CYTH3: variants seen among roughly 807,000 people sequenced by gnomAD.
The protein encoded by CYTH3 is cytohesin-3.
In CYTH3, 23 loss-of-function variants were observed where a neutral mutation model predicts 55.1. That is an observed-to-expected ratio of 0.42 (90% CI 0.30 to 0.59). CYTH3 has a LOEUF of 0.59. Ranked by LOEUF, CYTH3 falls within the 20% of genes least tolerant of loss-of-function variation. The probability of loss-of-function intolerance (pLI) is 0.20; values close to 1 mark genes in which losing one functional copy is unlikely to be tolerated. For synonymous variants in CYTH3, 249 were observed against 194.9 expected (o/e 1.28, Z -2.31); for missense variants, 413 against 524.8 (o/e 0.79, Z 2.08).
rs752330445 is a variant in CYTH3, at chr7:6,170,484, C to T, written c.823+51G>A. 4 of 1,543,638 alleles carry T rather than the reference C, an allele frequency of 2.6e-6. No homozygotes were observed. The highest frequency in any genetic ancestry group is 1.2e-5 in the South Asian group (1 of 86,682). ...AGCCTGGGAGGAACCCGAGGGGCTG[C>T]TGCCATGGGCAGAGGGGTCACGCCC... On this transcript the variant is annotated intron_variant, in intron 9 of 12. Coordinates refer to ENST00000350796, the MANE Select transcript of CYTH3 (RefSeq NM_004227.4). This position sits in a 1 kb window ranked among gnomAD's most constrained non-coding sequence, Gnocchi z 7.8.
intron 1 of CYTH3, among the ~76,000 whole-genome samples, chr7:6,226,434 G>A (rs1779252384): frequency 6.6e-6 from 1 of 152,178 alleles, no homozygotes; most frequent in Non-Finnish European, 1.5e-5. Context: ...TTAGATGAGG[G>A]TGGGGAGGTG....
chr7:6,201,422 T>C (rs894851497), intron 1 of CYTH3, among the ~76,000 whole-genome samples: 14 of 152,228 alleles, frequency 9.2e-5, no homozygotes, highest in Non-Finnish European at 1.5e-5. Context: ...TGTGGTGATC[T>C]TCACTGTTCC....
At chr7:6,252,204 G>T (rs1779988898) in intron 1 of CYTH3, among the ~76,000 whole-genome samples, 1 of 151,592 alleles carries the variant, frequency 6.6e-6, no homozygotes, top group Non-Finnish European at 1.5e-5. Flanking sequence ...AAATTTAAGA[G>T]AAACTGGCTT....
At chr7:6,251,894 A>G (rs1464959359) in intron 1 of CYTH3, among the ~76,000 whole-genome samples, 1 of 152,210 alleles carries the variant, frequency 6.6e-6, no homozygotes, top group African/African-American at 2.4e-5. Context: ...TACAAGAAAT[A>G]TGAGAAATCT....
intron 5 of CYTH3, among the ~76,000 whole-genome samples, chr7:6,176,669 T>A (rs1440064784): frequency 6.6e-6 from 1 of 152,238 alleles, no homozygotes; most frequent in Non-Finnish European, 1.5e-5. Flanking sequence ...TTGCATCATC[T>A]GCAAATAGAA....
chr7:6,208,153 A>T (rs1201937678), intron 1 of CYTH3, among the ~76,000 whole-genome samples: 1 of 152,202 alleles, frequency 6.6e-6, no homozygotes, highest in African/African-American at 2.4e-5. Context: ...GGTAGGTAAG[A>T]ATTTTTGTAC....
chr7:6,224,902 A>G (rs1464791002), intron 1 of CYTH3, among the ~76,000 whole-genome samples: 1 of 152,236 alleles, frequency 6.6e-6, no homozygotes, highest in Non-Finnish European at 1.5e-5. Flanking sequence ...TATAACATAC[A>G]TGAAACCTGA....
intron 2 of CYTH3, among the ~76,000 whole-genome samples, chr7:6,188,353 A>C (rs998538952): frequency 1.6e-4 from 25 of 151,622 alleles, no homozygotes; most frequent in African/African-American, 6.1e-4. Flanking sequence ...AAAAACAAAA[A>C]AACAAAAAAA....
At chr7:6,192,502 T>C (rs997815353) in intron 1 of CYTH3, among the ~76,000 whole-genome samples, 3 of 150,574 alleles carry the variant, frequency 2.0e-5, no homozygotes, top group Non-Finnish European at 2.9e-5. Flanking sequence ...ATTACAGATG[T>C]GAGCCACTGT....
At chr7:6,199,661 GAA>G (rs893953341) in intron 1 of CYTH3, among the ~76,000 whole-genome samples, 1 of 152,172 alleles carries the variant, frequency 6.6e-6, no homozygotes, top group Non-Finnish European at 1.5e-5. Flanking sequence ...CAGGGGGAAA[GAA>G]AAGATACCAG....
At chr7:6,259,793 A>ATAT (rs1780274961) in intron 1 of CYTH3, among the ~76,000 whole-genome samples, 2 of 14,102 alleles carry the variant, frequency 1.4e-4, no homozygotes, top group South Asian at 2.2e-3. Context: ...TAATATATAT[A>ATAT]TATATATATA....
At chr7:6,234,569 G>A (rs893153957) in intron 1 of CYTH3, among the ~76,000 whole-genome samples, 1 of 152,224 alleles carries the variant, frequency 6.6e-6, no homozygotes, top group Non-Finnish European at 1.5e-5. Flanking sequence ...AGGCCTGGAT[G>A]CTCATGAAGA....
At chr7:6,265,583 C>T (rs1161198474) in intron 1 of CYTH3, among the ~76,000 whole-genome samples, 1 of 149,448 alleles carries the variant, frequency 6.7e-6, no homozygotes, top group African/African-American at 2.5e-5. Flanking sequence ...CGCTCCACTG[C>T]ACTCCAGCCC....
At chr7:6,187,585 G>C (rs1020493966) in intron 3 of CYTH3, 72 bp downstream of exon 3, 61 of 1,373,494 alleles carry the variant, frequency 4.4e-5, no homozygotes, top group Non-Finnish European at 6.1e-5. Flanking sequence ...CCCACTTTCT[G>C]CAAGTTTGAC....
chr7:6,258,340 G>A (rs920000556), intron 1 of CYTH3, among the ~76,000 whole-genome samples: 4 of 151,350 alleles, frequency 2.6e-5, no homozygotes, highest in Non-Finnish European at 4.4e-5. Flanking sequence ...GAAAAGAAAC[G>A]CAACTCCTCA....
chr7:6,179,815 ACACACCACACACG>A (rs1210251071), intron 4 of CYTH3, among the ~76,000 whole-genome samples: 1 of 129,124 alleles, frequency 7.7e-6, no homozygotes, highest in Non-Finnish European at 1.6e-5. Context: ...CACACCACAC[ACACACCACACACG>A]CACACCACAT....
In CYTH3 at chr7:6,164,136, G is replaced by C. The variant is rs1782918115; in HGVS notation, c.*808C>G. On this transcript the variant is annotated 3_prime_UTR_variant, in exon 13 of 13. Coordinates refer to ENST00000350796, the MANE Select transcript of CYTH3 (RefSeq NM_004227.4). ...GGGAGGCCTCATGGGAGTCACCCTG[G>C]AGCCCCCAAGTGCCATGGCCGTCCC... The C allele has an allele frequency of 6.6e-6, 1 of 152,380 alleles. No individual in the cohort carries two copies. Among genetic ancestry groups the C allele is most frequent in the South Asian group, 2.1e-4 (1 of 4,834 alleles). 9.4% of individuals were successfully genotyped at this position (152,380 alleles called of 1,614,324 possible).
chr7:6,249,313 G>A (rs544883427), intron 1 of CYTH3, among the ~76,000 whole-genome samples: 1 of 152,316 alleles, frequency 6.6e-6, no homozygotes, highest in South Asian at 2.1e-4. Context: ...AGCTTTACTT[G>A]GGGTGTTGGT....
At chr7:6,233,704 C>T (rs562400588) in intron 1 of CYTH3, among the ~76,000 whole-genome samples, 1 of 152,096 alleles carries the variant, frequency 6.6e-6, no homozygotes, top group Non-Finnish European at 1.5e-5. Flanking sequence ...TCATCTCAGT[C>T]CCAGCGTCTA....
Sources: allele counts gnomAD v4.1 joint callset (sites outside exome capture counted in the v4.1 genomes callset), GRCh38; gene constraint gnomAD v4.1.1; non-coding constraint Gnocchi (gnomAD v3.1); transcripts MANE v1.5; gene names NCBI Gene and HGNC (gene_info 2026-07-23, HGNC 2026-07-21).